Variants in SOX17 observed in about 807,000 individuals in gnomAD.
SOX17 encodes transcription factor SOX-17.
SOX17 carries 4 observed loss-of-function variants against 16.0 expected under a neutral mutation model. The observed-to-expected ratio is 0.25, with a 90% CI of 0.12 to 0.57. The LOEUF is 0.57. Among genes scored for constraint, SOX17 ranks in the 20% least tolerant of loss-of-function variants. The pLI, the probability that SOX17 is intolerant of heterozygous loss-of-function variation, is 0.92. For missense variants in SOX17, 633 were observed against 609.7 expected, an observed-to-expected ratio of 1.04 and a Z score of -0.40; for synonymous variants, 357 against 284.6, an observed-to-expected ratio of 1.25 and a Z score of -2.56.
Position 54,459,110 on chromosome 8 carries a change from G to A in SOX17, c.360G>A (p.Glu120=), listed in dbSNP as rs2129278033. The change falls in exon 2 of 2, where the codon GAG becomes GAA. Residue 120 remains glutamate (E), a synonymous_variant. Coordinates refer to ENST00000297316, the MANE Select transcript of SOX17 (RefSeq NM_022454.4). ...CGGAGAAGCGGCCCTTCGTGGAGGA[G>A]GCAGAGCGGCTGCGCGTGCAGCACA... The part of the protein sequence containing the change: ...TLAEKRPFVE[E]AERLRVQHMQ... 6.2e-7 allele frequency: 1 copy of A among 1,609,460 alleles called. No homozygotes were observed. Among genetic ancestry groups the A allele is most frequent in the Non-Finnish European group, 8.5e-7 (1 of 1,178,382 alleles).
Position 54,459,089 on chromosome 8 carries a change from G to A in SOX17, c.339G>A (p.Glu113=), listed in dbSNP as rs763177707. The change falls in exon 2 of 2, where the codon GAG becomes GAA. Residue 113 remains glutamate (E), a synonymous_variant. Transcript: ENST00000297316. Reference sequence around the variant, plus strand: ...CGTGGAAGGCGCTGACGCTGGCGGAGAAGCGGCCCTTCGTGGAGGAGGCAG... The same window carrying A: ...CGTGGAAGGCGCTGACGCTGGCGGAAAAGCGGCCCTTCGTGGAGGAGGCAG... The part of the protein sequence containing the change: ...GKSWKALTLA[E]KRPFVEEAER... 1 of 1,608,538 alleles carries A rather than the reference G, an allele frequency of 6.2e-7. No homozygotes were observed. The highest frequency in any genetic ancestry group is 8.5e-7 in the Non-Finnish European group (1 of 1,178,060).
At chr8:54,458,498 G>T (rs1804673920) in intron 1 of SOX17, 53 bp downstream of exon 1, 3 of 1,601,642 alleles carry the variant, frequency 1.9e-6, no homozygotes, top group Non-Finnish European at 1.7e-6. Context: ...CGAATCGCTA[G>T]GCCGATTTCT....
In SOX17 at chr8:54,459,960, T is replaced by C. The variant is rs748400002; in HGVS notation, c.1210T>C (p.Ser404Pro). ...TTCCTCGGTGGTGTCCGACGCCAGCTCCGCGGTATATTACTGCAACTATCC... is the reference window on the plus strand; with the variant it reads ...TTCCTCGGTGGTGTCCGACGCCAGCCCCGCGGTATATTACTGCAACTATCC... The part of the protein sequence containing the change: ...AISSVVSDAS[S>P]AVYYCNYPDV The change falls in exon 2 of 2, where the codon TCC becomes CCC. Residue 404 changes from serine to proline, a missense_variant. Coordinates refer to ENST00000297316, the MANE Select transcript of SOX17 (RefSeq NM_022454.4). 6.2e-7 allele frequency: 1 copy of C among 1,613,596 alleles called. No homozygotes were observed. Among genetic ancestry groups the C allele is most frequent in the East Asian group, 2.2e-5 (1 of 44,852 alleles).
chr8:54,458,529 G>T, intron 1 of SOX17, 84 bp downstream of exon 1: 1 of 1,531,018 alleles, frequency 6.5e-7, no homozygotes, highest in South Asian at 1.2e-5. Flanking sequence ...ACTGTTCTTT[G>T]CGAGCCTGAC....
rs1352396506 is a variant in SOX17 at position 54,460,077 on chromosome 8, C to A, written c.*82C>A. Reference sequence around the variant, plus strand: ...AGGAGCTAAGGAAATCCTCAGACTCCTGGGTTTTTGTTGTTGCTGTTGTTG... The same window carrying A: ...AGGAGCTAAGGAAATCCTCAGACTCATGGGTTTTTGTTGTTGCTGTTGTTG... On this transcript the variant is annotated 3_prime_UTR_variant, in exon 2 of 2. Coordinates refer to ENST00000297316, the MANE Select transcript of SOX17 (RefSeq NM_022454.4). The A allele has an allele frequency of 2.4e-5, 35 of 1,468,718 alleles. 1 individual carries two copies. In the South Asian group the frequency reaches 4.0e-4, roughly 17 times the overall value. The allele number at this position is 1,468,718 out of a possible 1,614,324, so 91.0% of individuals were successfully genotyped here. A position where few individuals can be genotyped will look rare whatever the true frequency, so the allele number is the denominator to read the frequency against.
intron 1 of SOX17, 113 bp from the exon 2 acceptor site, chr8:54,458,945 C>T (rs1285092498): frequency 4.1e-6 from 4 of 964,014 alleles, no homozygotes; most frequent in South Asian, 1.9e-5. Context: ...ACCCCGGTTG[C>T]GCAATTCAAA....
Position 54,460,222 on chromosome 8 carries a change from A to G in SOX17, c.*227A>G, listed in dbSNP as rs1264620177. ...TCAGAGATTTGTTTCCCATAGTTGG[A>G]TTGTCAAAACCCTATTTCCAAGTTC... On this transcript the variant is annotated 3_prime_UTR_variant, in exon 2 of 2. Coordinates refer to ENST00000297316, the MANE Select transcript of SOX17 (RefSeq NM_022454.4). 5 of 600,360 alleles carry G rather than the reference A, an allele frequency of 8.3e-6. No homozygotes were observed. Among genetic ancestry groups the G allele is most frequent in the African/African-American group, 1.9e-5 (1 of 53,876 alleles). 37.2% of individuals were successfully genotyped at this position (600,360 alleles called of 1,614,324 possible). A position where few individuals can be genotyped will look rare whatever the true frequency, so the allele number is the denominator to read the frequency against.
At position 54,460,101 on chromosome 8, in the gene SOX17, T is replaced by A; in HGVS notation, c.*106T>A. The A allele has an allele frequency of 1.6e-6, 2 of 1,255,200 alleles. No individual in the cohort carries two copies. Among genetic ancestry groups the A allele is most frequent in the Non-Finnish European group, 2.3e-6 (2 of 867,096 alleles). The allele number at this position is 1,255,200 out of a possible 1,614,324, so 77.8% of individuals were successfully genotyped here. A position where few individuals can be genotyped will look rare whatever the true frequency, so the allele number is the denominator to read the frequency against. On this transcript the variant is annotated 3_prime_UTR_variant, in exon 2 of 2. Coordinates refer to ENST00000297316, the MANE Select transcript of SOX17 (RefSeq NM_022454.4). ...CCTGGGTTTTTGTTGTTGCTGTTGT[T>A]GTTTTTTAAAAGGTGTGTTGGCATA... is the stretch of plus-strand genomic sequence containing the variant.
chr8:54,459,505 G>C lies in SOX17; in HGVS notation c.755G>C (p.Ser252Thr), dbSNP rs1173298125. ...GACTGCCCGGCGGCCGGCACCTACA[G>C]CTACGCGCAGGTCTCGGACTACGCT... is the stretch of plus-strand genomic sequence containing the variant. ...PGDCPAAGTY[S>T]YAQVSDYAGP... The change falls in exon 2 of 2, where the codon AGC becomes ACC. Residue 252 changes from serine to threonine, a missense_variant. Physicochemically the swap from Ser to Thr is moderately conservative, Grantham distance 58. Transcript: ENST00000297316. The C allele has an allele frequency of 7.9e-6, 12 of 1,528,252 alleles. No homozygotes were observed. Among genetic ancestry groups the C allele is most frequent in the South Asian group, 1.2e-5 (1 of 83,386 alleles). The allele number at this position is 1,528,252 out of a possible 1,614,324, so 94.7% of individuals were successfully genotyped here.
At position 54,460,108 on chromosome 8, in the gene SOX17, T is replaced by A; in HGVS notation, c.*113T>A. The stretch of plus-strand genomic sequence containing the variant: ...TTTTGTTGTTGCTGTTGTTGTTTTT[T>A]AAAAGGTGTGTTGGCATATAATTTA... On this transcript the variant is annotated 3_prime_UTR_variant, in exon 2 of 2. Transcript: ENST00000297316. 8.9e-7 allele frequency: 1 copy of A among 1,122,256 alleles called. No individual in the cohort carries two copies. Among genetic ancestry groups the A allele is most frequent in the Non-Finnish European group, 1.3e-6 (1 of 749,862 alleles). The allele number at this position is 1,122,256 out of a possible 1,614,324, so 69.5% of individuals were successfully genotyped here.
In SOX17 at chr8:54,459,078, A is replaced by G. The variant is rs2129278005; in HGVS notation, c.328A>G (p.Thr110Ala). ...TGCAGGCAAGTCGTGGAAGGCGCTG[A>G]CGCTGGCGGAGAAGCGGCCCTTCGT... ...KMLGKSWKAL[T>A]LAEKRPFVEE... The change falls in exon 2 of 2, where the codon ACG becomes GCG. Residue 110 changes from threonine to alanine, a missense_variant. By Grantham distance (58) the Thr-to-Ala change is moderately conservative. Transcript: ENST00000297316. The G allele has an allele frequency of 6.2e-7, 1 of 1,605,406 alleles. No individual in the cohort carries two copies.
Position 54,460,173 on chromosome 8 carries a change from G to A in SOX17, c.*178G>A. On this transcript the variant is annotated 3_prime_UTR_variant, in exon 2 of 2. Transcript: ENST00000297316. ...GTCTGCCACTTGAACAGTTTGGGGG[G>A]GTGAGGTTTCATTTAAAATTTGTTC... The A allele has an allele frequency of 1.5e-6, 1 of 663,390 alleles. No individual in the cohort carries two copies. Among genetic ancestry groups the A allele is most frequent in the Non-Finnish European group, 2.6e-6 (1 of 391,858 alleles). The allele number at this position is 663,390 out of a possible 1,614,324, so 41.1% of individuals were successfully genotyped here.
chr8:54,458,004 GC>G lies in SOX17; in HGVS notation c.-134del. On this transcript the variant is annotated 5_prime_UTR_variant, in exon 1 of 2. Transcript: ENST00000297316. ...CAGACCGCGACAGGCCAGAACACGGGCGGCGGCTTCGGGCCGGGAGACCCGC... is the reference window on the plus strand; with the variant it reads ...CAGACCGCGACAGGCCAGAACACGGGGGCGGCTTCGGGCCGGGAGACCCGC... The G allele has an allele frequency of 9.2e-7, 1 of 1,083,250 alleles. No homozygotes were observed. The highest frequency in any genetic ancestry group is 2.9e-5 in the East Asian group (1 of 34,302). The allele number at this position is 1,083,250 out of a possible 1,614,324, so 67.1% of individuals were successfully genotyped here.
chr8:54,458,302 C>T lies in SOX17; in HGVS notation c.164C>T (p.Pro55Leu), dbSNP rs893686270. The change falls in exon 1 of 2, where the codon CCG becomes CTG. Residue 55 changes from proline (P) to leucine (L), a missense_variant. By Grantham distance (98) the Pro-to-Leu change is moderately conservative. Coordinates refer to ENST00000297316, the MANE Select transcript of SOX17 (RefSeq NM_022454.4). ...KGEAPANSGAPAGAAGRAKGE... is the reference protein window; with the variant it reads ...KGEAPANSGALAGAAGRAKGE... ...GAGGCGCCGGCGAACAGCGGAGCAC[C>T]GGCCGGGGCCGCGGGCCGAGCCAAG... 23 of 1,610,656 alleles carry T rather than the reference C, an allele frequency of 1.4e-5. No homozygotes were observed. The highest frequency in any genetic ancestry group is 1.9e-5 in the Non-Finnish European group (22 of 1,179,120).
rs1804707942 is a variant in SOX17 at position 54,459,723 on chromosome 8, C to T, written c.973C>T (p.His325Tyr). The T allele has an allele frequency of 3.2e-6, 5 of 1,553,974 alleles. No homozygotes were observed. Among genetic ancestry groups the T allele is most frequent in the Middle Eastern group, 1.7e-4 (1 of 6,032 alleles). Residue 325 changes from histidine (H) to tyrosine (Y), a missense_variant, in exon 2 of 2, where the codon CAC (histidine) becomes TAC (tyrosine). Coordinates refer to ENST00000297316, the MANE Select transcript of SOX17 (RefSeq NM_022454.4). ...ACACCAGCACCAGCACCAGCACCAG[C>T]ACCACCCCCCGGGCCCCGGACAGCC... ...PQHQHQHQHQ[H>Y]HPPGPGQPSP...
rs1219911843 is a variant in SOX17, at chr8:54,459,074, G to C, written c.324G>C (p.Ala108=). ...ACTGTGCAGGCAAGTCGTGGAAGGC[G>C]CTGACGCTGGCGGAGAAGCGGCCCT... ...LSKMLGKSWK[A]LTLAEKRPFV... is the part of the protein sequence containing the mutation. The change falls in exon 2 of 2, where the codon GCG becomes GCC. Residue 108 remains alanine, a synonymous_variant. Transcript: ENST00000297316. The C allele has an allele frequency of 8.7e-6, 14 of 1,604,624 alleles. No homozygotes were observed. Among genetic ancestry groups the C allele is most frequent in the Non-Finnish European group, 1.2e-5 (14 of 1,176,336 alleles).
rs867637647 is a variant in SOX17 at position 54,458,895 on chromosome 8, G to T, written c.308-163G>T. Among the ~76,000 whole-genome samples the T allele has an allele frequency of 4.6e-5, 7 of 152,218 alleles. No individual in the cohort carries two copies. The South Asian group carries it at 1.4e-3, about 31-fold the overall frequency. ...CTTTAGAGGACGGGTGTTCCCCAAG[G>T]GCTCGGACTCAGGAGTCCCAGATCT... On this transcript the variant is annotated intron_variant, in intron 1 of 1. Coordinates refer to ENST00000297316, the MANE Select transcript of SOX17 (RefSeq NM_022454.4).
chr8:54,458,082 G>A lies in SOX17; in HGVS notation c.-57G>A. 1 of 1,428,186 alleles carries A rather than the reference G, an allele frequency of 7.0e-7. No individual in the cohort carries two copies. The highest frequency in any genetic ancestry group is 9.1e-7 in the Non-Finnish European group (1 of 1,098,240). The allele number at this position is 1,428,186 out of a possible 1,614,324, so 88.5% of individuals were successfully genotyped here. A position where few individuals can be genotyped will look rare whatever the true frequency, so the allele number is the denominator to read the frequency against. ...CACTCCCCACCCCCTCCCCCGGGTC[G>A]GGGGAGGCGGCGCGTCCGGCGGAGG... On this transcript the variant is annotated 5_prime_UTR_variant, in exon 1 of 2. Coordinates refer to ENST00000297316, the MANE Select transcript of SOX17 (RefSeq NM_022454.4).
chr8:54,459,403 C>T lies in SOX17; in HGVS notation c.653C>T (p.Pro218Leu), dbSNP rs201018397. Reference protein sequence around the residue: ...SLGAPPLDGYPLPTPDTSPLD... With the variant: ...SLGAPPLDGYLLPTPDTSPLD... ...GGCGCGCCTCCGCTCGACGGCTACC[C>T]GTTGCCCACGCCCGACACGTCCCCG... The change falls in exon 2 of 2, where the codon CCG becomes CTG. Residue 218 changes from proline (P) to leucine (L), a missense_variant. Pro to Leu is a moderately conservative substitution (Grantham distance 98). Around this residue, in one of 5 missense-constraint regions of SOX17, gnomAD observed 479 missense variants for 397.2 expected, o/e 1.21. Coordinates refer to ENST00000297316, the MANE Select transcript of SOX17 (RefSeq NM_022454.4). 5 of 1,549,546 alleles carry T rather than the reference C, an allele frequency of 3.2e-6. No homozygotes were observed. In the African/African-American group the frequency reaches 4.2e-5, roughly 13 times the overall value.
Sources: gnomAD v4.1 joint callset for allele counts (sites outside exome capture counted in the v4.1 genomes callset) on GRCh38, gnomAD v4.1.1 for gene constraint, gnomAD v4.1.1 regional missense constraint, MANE v1.5 for transcripts, NCBI Gene and HGNC (gene_info 2026-07-23, HGNC 2026-07-21) for gene names.